ST6GALNAC5: variants seen among roughly 807,000 people sequenced by gnomAD.
ST6GALNAC5 encodes the protein ST6 N-acetylgalactosaminide alpha-2,6-sialyltransferase 5, also known as alpha-N-acetylgalactosaminide alpha-2,6-sialyltransferase 5.
In ST6GALNAC5, 27 loss-of-function variants were observed where a neutral mutation model predicts 33.6. The ratio of observed to expected loss-of-function variants is 0.80; its 90% CI spans 0.59 to 1.11. The LOEUF is 1.11. Ranked by LOEUF, ST6GALNAC5 falls within the 50% of genes least tolerant of loss-of-function variation. ST6GALNAC5 has a pLI of 0.00. For synonymous variants in ST6GALNAC5, 194 were observed against 171.2 expected (o/e 1.13, Z -1.04); for missense variants, 428 against 454.0 (o/e 0.94, Z 0.52).
At chr1:76,938,796 G>C (rs1349358065) in intron 2 of ST6GALNAC5, among the ~76,000 whole-genome samples, 1 of 152,108 alleles carries the variant, frequency 6.6e-6, no homozygotes, top group Non-Finnish European at 1.5e-5. Flanking sequence ...ACACAGCCCT[G>C]AAGTGGCTAG....
chr1:77,046,061 C>A (rs909179959), intron 3 of ST6GALNAC5, among the ~76,000 whole-genome samples: 1 of 152,110 alleles, frequency 6.6e-6, no homozygotes, highest in Non-Finnish European at 1.5e-5. Flanking sequence ...TACTTTCATA[C>A]GTTTGTGATG....
intron 2 of ST6GALNAC5, among the ~76,000 whole-genome samples, chr1:76,970,111 A>G (rs951834347): frequency 1.3e-5 from 2 of 152,126 alleles, no homozygotes; most frequent in Non-Finnish European, 2.9e-5. Context: ...CAGAGCAGAA[A>G]AGCTGAAAAC....
At chr1:76,921,960 C>T (rs1647038586) in intron 2 of ST6GALNAC5, among the ~76,000 whole-genome samples, 2 of 152,034 alleles carry the variant, frequency 1.3e-5, no homozygotes, top group Non-Finnish European at 2.9e-5. Flanking sequence ...AATGAAAGGA[C>T]GTTTGGCATC....
intron 2 of ST6GALNAC5, among the ~76,000 whole-genome samples, chr1:76,954,215 T>C (rs1484156279): frequency 3.3e-5 from 5 of 152,124 alleles, no homozygotes; most frequent in Non-Finnish European, 7.4e-5. Flanking sequence ...GGAGCGAGAT[T>C]ATGTCCTTTG....
intron 2 of ST6GALNAC5, among the ~76,000 whole-genome samples, chr1:76,913,047 C>A (rs184664605): frequency 3.3e-5 from 5 of 151,338 alleles, no homozygotes; most frequent in African/African-American, 1.2e-4. Flanking sequence ...GATTTTGCAG[C>A]GGCTGGTACC....
chr1:76,905,316 A>G (rs576427484), intron 2 of ST6GALNAC5, among the ~76,000 whole-genome samples: 2 of 152,154 alleles, frequency 1.3e-5, no homozygotes, highest in South Asian at 4.2e-4. Context: ...CTTCCAGCCT[A>G]GCCATTTCAT....
intron 2 of ST6GALNAC5, among the ~76,000 whole-genome samples, chr1:77,025,412 A>G (rs1185197622): frequency 6.6e-6 from 1 of 152,106 alleles, no homozygotes; most frequent in Non-Finnish European, 1.5e-5. Context: ...AGATGCCTGT[A>G]ATTCCAGATA....
At chr1:76,992,937 G>C (rs78215413) in intron 2 of ST6GALNAC5, among the ~76,000 whole-genome samples, 4,104 of 152,262 alleles carry the variant, frequency 0.027, 64 homozygotes, top group African/African-American at 0.034. Flanking sequence ...CTGCCCTTGA[G>C]CTACCTTCCA....
chr1:77,004,098 G>A (rs998096922), intron 2 of ST6GALNAC5, among the ~76,000 whole-genome samples: 8 of 150,048 alleles, frequency 5.3e-5, no homozygotes, highest in Non-Finnish European at 8.9e-5. Context: ...TTCCAACTTG[G>A]TTCCATTCTC....
chr1:77,062,006 T>A (rs1008925864), intron 4 of ST6GALNAC5, among the ~76,000 whole-genome samples: 1 of 152,194 alleles, frequency 6.6e-6, no homozygotes, highest in Non-Finnish European at 1.5e-5. Context: ...TTGTTTGCTG[T>A]CTTCCTTTTT....
chr1:76,983,856 C>T (rs1354386891), intron 2 of ST6GALNAC5, among the ~76,000 whole-genome samples: 2 of 152,228 alleles, frequency 1.3e-5, no homozygotes, highest in African/African-American at 2.4e-5. Flanking sequence ...GATTAAGAAA[C>T]TCACTCAAAA....
In ST6GALNAC5 at chr1:76,965,591, T is replaced by C. The variant is rs190891730; in HGVS notation, c.262-78613T>C. 9.2e-5 allele frequency among the ~76,000 whole-genome samples: 14 copies of C among 152,358 alleles called. No homozygotes were observed. In the East Asian group the frequency reaches 2.3e-3, roughly 25 times the overall value. On this transcript the variant is annotated intron_variant, in intron 2 of 4. Coordinates refer to ENST00000477717, the MANE Select transcript of ST6GALNAC5 (RefSeq NM_030965.3). ...ACTCTGACAGTAGTTTCTTTTGCTG[T>C]GCAGAAGCTCTTTAGTTTAATTAGA...
chr1:77,017,394 T>G (rs1280250940), intron 2 of ST6GALNAC5, among the ~76,000 whole-genome samples: 1 of 151,996 alleles, frequency 6.6e-6, no homozygotes, highest in Non-Finnish European at 1.5e-5. Flanking sequence ...GGGGTGCAAA[T>G]ACAAATGCCT....
In ST6GALNAC5 at chr1:76,932,647, C is replaced by T. The variant is rs142705992; in HGVS notation, c.261+63905C>T. On this transcript the variant is annotated intron_variant, in intron 2 of 4. Transcript: ENST00000477717. ...CTTGGAATTAAAGGTGAAGAGATTT[C>T]GGTTTGTGTCCAGCAAAGTGAGAAA... is the stretch of plus-strand genomic sequence containing the variant. 5.0e-4 allele frequency among the ~76,000 whole-genome samples: 76 copies of T among 152,108 alleles called. 1 individual carries two copies. The highest frequency in any genetic ancestry group is 1.7e-3 in the African/African-American group (72 of 41,520).
intron 2 of ST6GALNAC5, among the ~76,000 whole-genome samples, chr1:77,042,831 C>T (rs1570129450): frequency 6.6e-6 from 1 of 152,106 alleles, no homozygotes; most frequent in Non-Finnish European, 1.5e-5. Flanking sequence ...GAGGTTTTAA[C>T]CTCAGTTAGA....
intron 2 of ST6GALNAC5, among the ~76,000 whole-genome samples, chr1:76,987,102 G>T (rs947417377): frequency 3.3e-5 from 5 of 152,116 alleles, no homozygotes; most frequent in African/African-American, 1.2e-4. Flanking sequence ...AACCAACATG[G>T]CATGTGTATA....
At chr1:76,971,421 G>T (rs1171206705) in intron 2 of ST6GALNAC5, among the ~76,000 whole-genome samples, 2 of 152,076 alleles carry the variant, frequency 1.3e-5, no homozygotes, top group African/African-American at 4.8e-5. Context: ...TGGTGAGTGA[G>T]AAACCACTAA....
At chr1:77,048,894 C>T (rs972458776) in intron 3 of ST6GALNAC5, among the ~76,000 whole-genome samples, 1 of 152,178 alleles carries the variant, frequency 6.6e-6, no homozygotes, top group African/African-American at 2.4e-5. Flanking sequence ...TCAACAATAA[C>T]TTGCCTCAGG....
intron 2 of ST6GALNAC5, among the ~76,000 whole-genome samples, chr1:76,920,237 T>A (rs113967297): frequency 0.019 from 2,950 of 152,270 alleles, 101 homozygotes; most frequent in Admixed American, 0.093. Context: ...GAATTTTTTT[T>A]AATCTCGCCT....
Sources: allele counts gnomAD v4.1 joint callset (sites outside exome capture counted in the v4.1 genomes callset), GRCh38; gene constraint gnomAD v4.1.1; transcripts MANE v1.5; gene names NCBI Gene and HGNC (gene_info 2026-07-23, HGNC 2026-07-21).